Variants in GFI1 observed in about 807,000 individuals in gnomAD.
GFI1 encodes zinc finger protein Gfi-1.
Under a neutral mutation model 39.2 loss-of-function variants are expected in GFI1, and 15 were observed. That is an observed-to-expected ratio of 0.38 (90% CI 0.26 to 0.59). The LOEUF is 0.59. Ranked by LOEUF, GFI1 falls within the 20% of genes least tolerant of loss-of-function variation. The pLI is 0.62. For missense variants in GFI1, 475 were observed against 574.0 expected, an observed-to-expected ratio of 0.83 and a Z score of 1.76; for synonymous variants, 239 against 254.3, an observed-to-expected ratio of 0.94 and a Z score of 0.57.
At position 92,480,386 on chromosome 1, in the gene GFI1, C is replaced by A. The variant is rs1461191477; in HGVS notation, c.886G>T (p.Ala296Ser). The change falls in exon 5 of 7, where the codon GCG becomes TCG. Residue 296 changes from alanine to serine, a missense_variant. Physicochemically the swap from Ala to Ser is moderately conservative, Grantham distance 99. Coordinates refer to ENST00000294702, the MANE Select transcript of GFI1 (RefSeq NM_005263.5). The surrounding 1 kb of genome is among the most constrained non-coding windows in gnomAD (Gnocchi z 5.6). The stretch of plus-strand genomic sequence containing the variant: ...GCTTTGTGCTGCTCCAGGCTCACCG[C>A]GTGCCCGAAGGTCTTGCCGCACATC... ...CEMCGKTFGH[A>S]VSLEQHKAVH... 1 of 1,550,266 alleles carries A rather than the reference C, an allele frequency of 6.5e-7. No homozygotes were observed. Among genetic ancestry groups the A allele is most frequent in the East Asian group, 2.4e-5 (1 of 40,906 alleles).
At chr1:92,477,663 A>G (rs914010904) in intron 6 of GFI1, among the ~76,000 whole-genome samples, 5 of 152,262 alleles carry the variant, frequency 3.3e-5, no homozygotes, top group Admixed American at 1.3e-4. Context: ...CTGATAAATC[A>G]TTCACTCTTT....
intron 1 of GFI1, among the ~76,000 whole-genome samples, chr1:92,486,279 T>C (rs1658523692): frequency 6.6e-6 from 1 of 152,070 alleles, no homozygotes; most frequent in Non-Finnish European, 1.5e-5. Flanking sequence ...TTCCAGCCCG[T>C]CCCGCGCGCC....
rs894899039 is a variant in GFI1 at position 92,482,253 on chromosome 1, C to G, written c.298+611G>C. Among the ~76,000 whole-genome samples the G allele has an allele frequency of 6.6e-6, 1 of 152,126 alleles. No individual in the cohort carries two copies. Among genetic ancestry groups the G allele is most frequent in the Admixed American group, 6.5e-5 (1 of 15,272 alleles). ...TCCTTCCCCCGGCCGGGACTCGAGA[C>G]GCCCCCACCCAACGTGTGGTCACTT... is the stretch of plus-strand genomic sequence containing the variant. On this transcript the variant is annotated intron_variant, in intron 3 of 6. Transcript: ENST00000294702. This position sits in a 1 kb window ranked among gnomAD's most constrained non-coding sequence, Gnocchi z 4.4.
intron 6 of GFI1, among the ~76,000 whole-genome samples, chr1:92,476,981 G>T (rs1271506247): frequency 6.6e-6 from 1 of 152,162 alleles, no homozygotes; most frequent in Non-Finnish European, 1.5e-5. Context: ...ACACAAGAAG[G>T]TTTTGTCTTG....
rs1189598441 is a variant in GFI1 at position 92,474,667 on chromosome 1, T to C, written c.*1362A>G. 3 of 152,678 alleles carry C rather than the reference T, an allele frequency of 2.0e-5. No individual in the cohort carries two copies. Among genetic ancestry groups the C allele is most frequent in the Non-Finnish European group, 4.4e-5 (3 of 68,046 alleles). 9.5% of individuals were successfully genotyped at this position (152,678 alleles called of 1,614,324 possible). On this transcript the variant is annotated 3_prime_UTR_variant, in exon 7 of 7. Coordinates refer to ENST00000294702, the MANE Select transcript of GFI1 (RefSeq NM_005263.5). ...TATTAGCTTGTGTGCTTCACTTTTATACTCCATTGCAGTTTCCTTCAGTGC... is the reference window on the plus strand; with the variant it reads ...TATTAGCTTGTGTGCTTCACTTTTACACTCCATTGCAGTTTCCTTCAGTGC...
In GFI1 at chr1:92,480,664, C is replaced by T; in HGVS notation, c.723G>A (p.Ser241=). The T allele has an allele frequency of 1.3e-6, 2 of 1,595,616 alleles. No homozygotes were observed. The highest frequency in any genetic ancestry group is 1.1e-5 in the South Asian group (1 of 89,370). ...ADKGAGVKVE[S]ELLCTRLLLG... ...GCAGCAGGCGGGTGCACAGCAGCTC[C>T]GACTCCACCTTGACGCCAGCGCCCT... Residue 241 remains serine, a synonymous_variant, in exon 4 of 7, where the codon TCG becomes TCA. Coordinates refer to ENST00000294702, the MANE Select transcript of GFI1 (RefSeq NM_005263.5). The surrounding 1 kb of genome is among the most constrained non-coding windows in gnomAD (Gnocchi z 5.6).
intron 1 of GFI1, 176 bp from the exon 2 acceptor site, chr1:92,483,762 A>C (rs1053535049): frequency 2.1e-6 from 1 of 479,820 alleles, no homozygotes; most frequent in Non-Finnish European, 3.8e-6. Context: ...GGTGGCGCGA[A>C]CCCGCCGTCG....
In GFI1 at chr1:92,483,321, T is replaced by G. The variant is rs1658369575; in HGVS notation, c.115+52A>C. On this transcript the variant is annotated intron_variant, in intron 2 of 6. Transcript: ENST00000294702. ...GCTCCGGACTAATGGTGTGCCGAGG[T>G]GCAGTAGGCATCCGGGGGAGCAGCC... is the stretch of plus-strand genomic sequence containing the variant. The G allele has an allele frequency of 1.1e-5, 11 of 988,482 alleles. No homozygotes were observed. The South Asian group carries it at 1.4e-4, about 13-fold the overall frequency. The allele number at this position is 988,482 out of a possible 1,614,324, so 61.2% of individuals were successfully genotyped here.
Position 92,481,543 on chromosome 1 carries a change from A to G in GFI1, c.299-455T>C, listed in dbSNP as rs773724526. Reference sequence around the variant, plus strand: ...CAGCGCAGGCACTCTCCCAGCCCCTACATGTTCCCATTCAATTCTTTTTCT... The same window carrying G: ...CAGCGCAGGCACTCTCCCAGCCCCTGCATGTTCCCATTCAATTCTTTTTCT... On this transcript the variant is annotated intron_variant, in intron 3 of 6. Transcript: ENST00000294702. This position sits in a 1 kb window ranked among gnomAD's most constrained non-coding sequence, Gnocchi z 4.3. Among the ~76,000 whole-genome samples the G allele has an allele frequency of 6.6e-5, 10 of 152,194 alleles. No individual in the cohort carries two copies. Among genetic ancestry groups the G allele is most frequent in the Non-Finnish European group, 1.5e-4 (10 of 68,038 alleles).
Position 92,483,016 on chromosome 1 carries a change from G to A in GFI1, c.146C>T (p.Ala49Val). The A allele has an allele frequency of 6.2e-7, 1 of 1,603,278 alleles. No individual in the cohort carries two copies. The highest frequency in any genetic ancestry group is 8.5e-7 in the Non-Finnish European group (1 of 1,175,006). ...DSTSNAGGAK[A>V]EPRDRLSPES... ...GGGGGACAAACGGTCCCGGGGCTCC[G>A]CCTTCGCCCCGCCTGCATTTGAAGT... The change falls in exon 3 of 7, where the codon GCG (alanine) becomes GTG (valine). Residue 49 changes from alanine (A) to valine (V), a missense_variant. By Grantham distance (64) the Ala-to-Val change is moderately conservative. Transcript: ENST00000294702.
In GFI1 at chr1:92,483,581, G is replaced by A. The variant is rs1202371892; in HGVS notation, c.-94C>T. On this transcript the variant is annotated 5_prime_UTR_variant, in exon 2 of 7. Coordinates refer to ENST00000294702, the MANE Select transcript of GFI1 (RefSeq NM_005263.5). ...AGGGCTTGCTCAGCCCCAGCCCGGA[G>A]GAGACCTGAGAGGGAAAGAAAACCA... 5.2e-6 allele frequency: 4 copies of A among 762,566 alleles called. No individual in the cohort carries two copies. Among genetic ancestry groups the A allele is most frequent in the Admixed American group, 2.0e-5 (1 of 50,120 alleles). 47.2% of individuals were successfully genotyped at this position (762,566 alleles called of 1,614,324 possible).
In GFI1 at chr1:92,475,210, T is replaced by C. The variant is rs1373255622; in HGVS notation, c.*819A>G. On this transcript the variant is annotated 3_prime_UTR_variant, in exon 7 of 7. Transcript: ENST00000294702. ...AGTCTCTCTTCCCCAATACCTAGCA[T>C]GGTGCCTGGTACCTTGGTAGCCGGT... 2.0e-5 allele frequency: 3 copies of C among 152,296 alleles called. No individual in the cohort carries two copies. Among genetic ancestry groups the C allele is most frequent in the Admixed American group, 2.0e-4 (3 of 15,288 alleles). 9.4% of individuals were successfully genotyped at this position (152,296 alleles called of 1,614,324 possible). A position where few individuals can be genotyped will look rare whatever the true frequency, so the allele number is the denominator to read the frequency against.
chr1:92,486,797 G>A lies in GFI1; in HGVS notation c.-171C>T, dbSNP rs1658546110. ...GTAATGGTTAAATTTGGAAGAGGTGGGCGAGCGCCGAGCCCCCGGCGGAGA... is the reference window on the plus strand; with the variant it reads ...GTAATGGTTAAATTTGGAAGAGGTGAGCGAGCGCCGAGCCCCCGGCGGAGA... On this transcript the variant is annotated 5_prime_UTR_variant, in exon 1 of 7. Coordinates refer to ENST00000294702, the MANE Select transcript of GFI1 (RefSeq NM_005263.5). 1 of 152,134 alleles carries A rather than the reference G, an allele frequency of 6.6e-6. No individual in the cohort carries two copies. The highest frequency in any genetic ancestry group is 1.5e-5 in the Non-Finnish European group (1 of 67,994). 9.4% of individuals were successfully genotyped at this position (152,134 alleles called of 1,614,324 possible).
Position 92,482,784 on chromosome 1 carries a change from G to C in GFI1, c.298+80C>G. Reference sequence around the variant, plus strand: ...TCCAACTCCCCGTTAGCATTTCTACGCCCAAGGTCGCGCCAATTCCCCCCC... The same window carrying C: ...TCCAACTCCCCGTTAGCATTTCTACCCCCAAGGTCGCGCCAATTCCCCCCC... On this transcript the variant is annotated intron_variant, in intron 3 of 6. Transcript: ENST00000294702. This position sits in a 1 kb window ranked among gnomAD's most constrained non-coding sequence, Gnocchi z 4.4. 1 of 1,111,664 alleles carries C rather than the reference G, an allele frequency of 9.0e-7. No individual in the cohort carries two copies. The highest frequency in any genetic ancestry group is 1.3e-5 in the South Asian group (1 of 79,506). The allele number at this position is 1,111,664 out of a possible 1,614,324, so 68.9% of individuals were successfully genotyped here.
chr1:92,486,526 C>CT (rs1185252992), intron 1 of GFI1, among the ~76,000 whole-genome samples, 200 bp downstream of exon 1: 5 of 144,786 alleles, frequency 3.5e-5, no homozygotes, highest in Non-Finnish European at 1.5e-5. Flanking sequence ...GTCACCCGCC[C>CT]CCCCCACCCC....
intron 5 of GFI1, 118 bp from the exon 6 acceptor site, chr1:92,478,871 TTTTC>T (rs1658093293): frequency 1.5e-6 from 2 of 1,352,374 alleles, no homozygotes; most frequent in South Asian, 1.3e-5. Context: ...CTTGAACACT[TTTTC>T]TTTCTTTTTT....
chr1:92,478,838 C>T (rs548163765), intron 5 of GFI1, 85 bp from the exon 6 acceptor site: 165 of 1,557,950 alleles, frequency 1.1e-4, no homozygotes, highest in Admixed American at 2.3e-4. Context: ...GCTCTCCTCA[C>T]CCCTCAGCTG....
At chr1:92,479,600 C>T (rs888449926) in intron 5 of GFI1, among the ~76,000 whole-genome samples, 1 of 152,226 alleles carries the variant, frequency 6.6e-6, no homozygotes, top group Middle Eastern at 3.4e-3. Context: ...GCCTGTAATC[C>T]CAGCACTTTG....
Position 92,476,045 on chromosome 1 carries a change from T to C in GFI1, c.1253A>G (p.Gln418Arg). The change falls in exon 7 of 7, where the codon CAG (glutamine) becomes CGG (arginine). Residue 418 changes from glutamine to arginine, a missense_variant. By Grantham distance (43) the Gln-to-Arg change is conservative. Transcript: ENST00000294702. The stretch of plus-strand genomic sequence containing the variant: ...CCAGGGTGCTCATTTGAGCCCATGC[T>C]GCGTCTCCCGGTGCCTTCGGAGGTC... ...KVDLRRHRET[Q>R]HGLK 6.2e-7 allele frequency: 1 copy of C among 1,614,132 alleles called. No individual in the cohort carries two copies. Among genetic ancestry groups the C allele is most frequent in the South Asian group, 1.1e-5 (1 of 91,046 alleles).
Sources: allele counts gnomAD v4.1 joint callset (sites outside exome capture counted in the v4.1 genomes callset), GRCh38; gene constraint gnomAD v4.1.1; non-coding constraint Gnocchi (gnomAD v3.1); transcripts MANE v1.5; gene names NCBI Gene and HGNC (gene_info 2026-07-23, HGNC 2026-07-21).